Variants in XKR4 observed in about 807,000 individuals in gnomAD.
XKR4 encodes the protein XK related 4, also known as XK-related protein 4.
In XKR4, 12 loss-of-function variants were observed where a neutral mutation model predicts 53.9. That is an observed-to-expected ratio of 0.22 (90% CI 0.14 to 0.36). The LOEUF is 0.36. Among genes scored for constraint, XKR4 ranks in the 10% least tolerant of loss-of-function variants. The probability of loss-of-function intolerance (pLI) is 1.00; values close to 1 mark genes in which losing one functional copy is unlikely to be tolerated. For synonymous variants in XKR4, 354 were observed against 362.4 expected, an observed-to-expected ratio of 0.98 and a Z score of 0.26; for missense variants, 799 against 859.5, an observed-to-expected ratio of 0.93 and a Z score of 0.88.
chr8:55,252,675 G>A lies in XKR4; in HGVS notation c.807-105003G>A, dbSNP rs141359062. Reference sequence around the variant, plus strand: ...CATCCCCAGGATACACTGCCTCGATGGCCATATGTAAATGAGGACATGCAT... The same window carrying A: ...CATCCCCAGGATACACTGCCTCGATAGCCATATGTAAATGAGGACATGCAT... On this transcript the variant is annotated intron_variant, in intron 1 of 2. Coordinates refer to ENST00000327381, the MANE Select transcript of XKR4 (RefSeq NM_052898.2). Among the ~76,000 whole-genome samples, 4 of 152,304 alleles carry A rather than the reference G, an allele frequency of 2.6e-5. No homozygotes were observed. The East Asian group carries it at 7.7e-4, about 29-fold the overall frequency.
At chr8:55,141,671 C>CTCTCTCTCTGTGTG (rs748708972) in intron 1 of XKR4, among the ~76,000 whole-genome samples, 4 of 135,186 alleles carry the variant, frequency 3.0e-5, no homozygotes, top group Non-Finnish European at 6.4e-5. Flanking sequence ...CTCTCTCTCT[C>CTCTCTCTCTGTGTG]TGTGTGTGTG....
At chr8:55,116,449 G>C (rs1816310447) in intron 1 of XKR4, among the ~76,000 whole-genome samples, 1 of 152,160 alleles carries the variant, frequency 6.6e-6, no homozygotes, top group Non-Finnish European at 1.5e-5. Flanking sequence ...TTACTGTAAG[G>C]AGAAATAGGA....
At chr8:55,362,271 A>G (rs749789665) in intron 2 of XKR4, among the ~76,000 whole-genome samples, 1 of 152,194 alleles carries the variant, frequency 6.6e-6, no homozygotes. Flanking sequence ...AGGCATGTGA[A>G]AACGGGAAAA....
intron 1 of XKR4, among the ~76,000 whole-genome samples, chr8:55,161,974 T>C (rs761223826): frequency 6.6e-6 from 1 of 152,196 alleles, no homozygotes; most frequent in Non-Finnish European, 1.5e-5. Flanking sequence ...GAGCTGGTGG[T>C]GCCATATTAT....
chr8:55,149,979 C>A (rs1816820282), intron 1 of XKR4, among the ~76,000 whole-genome samples: 1 of 152,194 alleles, frequency 6.6e-6, no homozygotes, highest in Non-Finnish European at 1.5e-5. Context: ...AAGGGGAAAA[C>A]CTGCTCTTCA....
At chr8:55,441,886 AT>A (rs1455932833) in intron 2 of XKR4, among the ~76,000 whole-genome samples, 6 of 152,150 alleles carry the variant, frequency 3.9e-5, no homozygotes, top group Non-Finnish European at 5.9e-5. Context: ...AAGTTTAAAA[AT>A]AATATATTGG....
intron 1 of XKR4, among the ~76,000 whole-genome samples, chr8:55,313,964 A>G (rs1284235184): frequency 6.6e-6 from 1 of 152,212 alleles, no homozygotes; most frequent in East Asian, 1.9e-4. Context: ...CGAACAGACT[A>G]ATCTTTGTCC....
chr8:55,243,983 AAGT>A (rs1426611886), intron 1 of XKR4, among the ~76,000 whole-genome samples: 1 of 152,228 alleles, frequency 6.6e-6, no homozygotes, highest in Non-Finnish European at 1.5e-5. Context: ...ATTTAGGAAA[AAGT>A]AGTCAGTGGC....
intron 2 of XKR4, among the ~76,000 whole-genome samples, chr8:55,522,524 C>T (rs1248274529): frequency 6.6e-6 from 1 of 152,154 alleles, no homozygotes; most frequent in African/African-American, 2.4e-5. Context: ...TGTGAATAAA[C>T]TAAATTTAAT....
At chr8:55,455,447 A>C (rs2129397099) in intron 2 of XKR4, among the ~76,000 whole-genome samples, 1 of 152,318 alleles carries the variant, frequency 6.6e-6, no homozygotes, top group South Asian at 2.1e-4. Flanking sequence ...TACCAACCTG[A>C]AGTTCAACAC....
chr8:55,280,858 G>A (rs1818836514), intron 1 of XKR4, among the ~76,000 whole-genome samples: 1 of 152,174 alleles, frequency 6.6e-6, no homozygotes. Flanking sequence ...ATATAGGTAT[G>A]AAGACTGTAA....
chr8:55,249,529 G>A (rs1480500745), intron 1 of XKR4, among the ~76,000 whole-genome samples: 1 of 152,166 alleles, frequency 6.6e-6, no homozygotes, highest in Non-Finnish European at 1.5e-5. Flanking sequence ...CCAAGTGCAT[G>A]GTGCTGCTTA....
At chr8:55,216,822 A>G (rs563428390) in intron 1 of XKR4, among the ~76,000 whole-genome samples, 2 of 152,098 alleles carry the variant, frequency 1.3e-5, no homozygotes, top group Admixed American at 1.3e-4. Context: ...AACTATAAAG[A>G]TAATGGAAAA....
At chr8:55,279,580 T>C (rs1327947968) in intron 1 of XKR4, among the ~76,000 whole-genome samples, 2 of 152,220 alleles carry the variant, frequency 1.3e-5, no homozygotes, top group African/African-American at 2.4e-5. Flanking sequence ...CAAATATAGT[T>C]TCAACTCAAC....
chr8:55,348,579 G>T (rs1803682590), intron 1 of XKR4, among the ~76,000 whole-genome samples: 1 of 152,102 alleles, frequency 6.6e-6, no homozygotes, highest in South Asian at 2.1e-4. Flanking sequence ...TGGACATGGG[G>T]TTACAATATA....
At chr8:55,435,060 T>C (rs898328708) in intron 2 of XKR4, among the ~76,000 whole-genome samples, 1 of 152,184 alleles carries the variant, frequency 6.6e-6, no homozygotes, top group Non-Finnish European at 1.5e-5. Flanking sequence ...GGGCCACTCA[T>C]ACACACACAA....
At chr8:55,519,314 G>A (rs1258924486) in intron 2 of XKR4, among the ~76,000 whole-genome samples, 5 of 152,148 alleles carry the variant, frequency 3.3e-5, no homozygotes, top group Admixed American at 3.3e-4. Flanking sequence ...TGAAAGAAAA[G>A]ACTGACAGAC....
chr8:55,459,721 T>C (rs1488896337), intron 2 of XKR4, among the ~76,000 whole-genome samples: 2 of 152,068 alleles, frequency 1.3e-5, no homozygotes, highest in Non-Finnish European at 2.9e-5. Flanking sequence ...AAAAGTAAAT[T>C]AAAAGCGCAC....
At chr8:55,293,646 C>T (rs928060686) in intron 1 of XKR4, among the ~76,000 whole-genome samples, 2 of 152,004 alleles carry the variant, frequency 1.3e-5, no homozygotes, top group African/African-American at 4.8e-5. Flanking sequence ...TGCAGATATT[C>T]TATCAGGAAG....
Sources: allele counts gnomAD v4.1 joint callset (sites outside exome capture counted in the v4.1 genomes callset), GRCh38; gene constraint gnomAD v4.1.1; transcripts MANE v1.5; gene names NCBI Gene and HGNC (gene_info 2026-07-23, HGNC 2026-07-21).